Variants in GPRASP3 observed in about 807,000 individuals in gnomAD.
GPRASP3 encodes the protein G protein-coupled receptor associated sorting protein 3.
the GPRASP3 span, among the ~76,000 whole-genome samples, chrX:102,732,191 A>G: frequency 8.0e-5 from 9 of 111,931 alleles, no homozygotes; most frequent in Non-Finnish European, 3.8e-5. Flanking sequence ...CTTTGGGGAA[A>G]AATGGACAAA....
chrX:102,730,930 A>G, the GPRASP3 span, among the ~76,000 whole-genome samples: 1 of 112,553 alleles, frequency 8.9e-6, no homozygotes, highest in Non-Finnish European at 1.9e-5. Flanking sequence ...TTCACAATAG[A>G]AACTTCCAAA....
chrX:102,748,998 G>A, the GPRASP3 span: 2 of 1,204,119 alleles, frequency 1.7e-6, no homozygotes, highest in Non-Finnish European at 2.2e-6. Flanking sequence ...CTTCAACCAT[G>A]GCTGGGACTA....
the GPRASP3 span, among the ~76,000 whole-genome samples, chrX:102,733,900 G>C: frequency 1.2e-4 from 13 of 110,156 alleles, no homozygotes; most frequent in South Asian, 7.9e-4. Flanking sequence ...AGCGAAGGGA[G>C]ATAGGGGTGG....
At chrX:102,749,579 G>T in the GPRASP3 span, 1 of 1,211,597 alleles carries the variant, frequency 8.3e-7, no homozygotes, top group African/African-American at 1.7e-5. Context: ...CCTGTGAGCA[G>T]GATAGTTAAG....
chrX:102,723,731 C>T, the GPRASP3 span, among the ~76,000 whole-genome samples: 10 of 111,585 alleles, frequency 9.0e-5, no homozygotes, highest in Admixed American at 9.5e-4. Flanking sequence ...AGGATGGGGA[C>T]TGGTCACCAG....
the GPRASP3 span, chrX:102,749,295 A>T: frequency 3.6e-5 from 44 of 1,210,094 alleles, no homozygotes; most frequent in Non-Finnish European, 4.1e-5. Context: ...CCAGCTCCAC[A>T]TGTAAAAATG....
chrX:102,745,887 A>G, the GPRASP3 span: 2 of 111,280 alleles, frequency 1.8e-5, no homozygotes, highest in African/African-American at 6.5e-5. Context: ...GGGGCTCGTC[A>G]TGGCCCCGCC....
the GPRASP3 span, among the ~76,000 whole-genome samples, chrX:102,734,226 A>T: frequency 1.8e-5 from 2 of 112,178 alleles, no homozygotes; most frequent in Non-Finnish European, 3.8e-5. Context: ...GCTTGGGCTC[A>T]GAGGCCTGAC....
chrX:102,725,129 A>T, the GPRASP3 span, among the ~76,000 whole-genome samples: 1 of 111,626 alleles, frequency 9.0e-6, no homozygotes, highest in Middle Eastern at 4.6e-3. Flanking sequence ...CTTTAATACA[A>T]GTCTGCCTTT....
chrX:102,724,641 A>C, the GPRASP3 span, among the ~76,000 whole-genome samples: 2 of 110,195 alleles, frequency 1.8e-5, no homozygotes, highest in Non-Finnish European at 3.8e-5. Context: ...TCTAAGTCCC[A>C]AATGTACTCC....
chrX:102,740,971 A>G, the GPRASP3 span, among the ~76,000 whole-genome samples: 3 of 111,790 alleles, frequency 2.7e-5, no homozygotes, highest in African/African-American at 9.8e-5. Flanking sequence ...ATATCTCTTA[A>G]CATCTGAGTC....
chrX:102,723,754 T>C, the GPRASP3 span, among the ~76,000 whole-genome samples: 1 of 111,573 alleles, frequency 9.0e-6, no homozygotes, highest in African/African-American at 3.3e-5. Context: ...GGACCAACCA[T>C]GTGATTAAAG....
chrX:102,734,345 G>A, the GPRASP3 span, among the ~76,000 whole-genome samples: 1 of 112,327 alleles, frequency 8.9e-6, no homozygotes, highest in Non-Finnish European at 1.9e-5. Context: ...CAGGCCAGGC[G>A]CGGTGGCTCA....
the GPRASP3 span, among the ~76,000 whole-genome samples, chrX:102,726,362 T>A: frequency 8.9e-6 from 1 of 112,728 alleles, no homozygotes; most frequent in African/African-American, 3.2e-5. Flanking sequence ...GTAACTGTTT[T>A]TACAATCAGA....
At chrX:102,726,939 T>C in the GPRASP3 span, among the ~76,000 whole-genome samples, 1 of 112,543 alleles carries the variant, frequency 8.9e-6, no homozygotes, top group African/African-American at 3.2e-5. Context: ...CTAGCAATCA[T>C]TAGGACACGT....
chrX:102,750,369 C>T, the GPRASP3 span: 1 of 1,205,095 alleles, frequency 8.3e-7, no homozygotes, highest in African/African-American at 1.7e-5. Flanking sequence ...CAGGAAATTG[C>T]AAAACCAGAA....
At chrX:102,733,892 C>T in the GPRASP3 span, among the ~76,000 whole-genome samples, 2 of 109,181 alleles carry the variant, frequency 1.8e-5, no homozygotes, top group African/African-American at 3.4e-5. Context: ...AGAGAGTCAG[C>T]GAAGGGAGAT....
the GPRASP3 span, among the ~76,000 whole-genome samples, chrX:102,738,867 C>T: frequency 7.2e-5 from 8 of 111,460 alleles, no homozygotes; most frequent in African/African-American, 2.6e-4. Flanking sequence ...AGGACATGTA[C>T]CCAAGGTGGT....
At chrX:102,735,110 AT>A in the GPRASP3 span, among the ~76,000 whole-genome samples, 1 of 112,279 alleles carries the variant, frequency 8.9e-6, no homozygotes, top group Non-Finnish European at 1.9e-5. Flanking sequence ...ATCTTTCATT[AT>A]TTTTTAATAT....
Sources: allele counts gnomAD v4.1 joint callset (sites outside exome capture counted in the v4.1 genomes callset), GRCh38; gene constraint gnomAD v4.1.1; transcripts MANE v1.5; gene names NCBI Gene and HGNC (gene_info 2026-07-23, HGNC 2026-07-21).